The following WDR72 variants were observed in gnomAD, a reference collection of about 807,000 sequenced individuals.
The protein encoded by WDR72 is WD repeat-containing protein 72.
A neutral mutation model predicts 124.2 loss-of-function variants in WDR72; 120 were observed. That is an observed-to-expected ratio of 0.97 (90% CI 0.83 to 1.12). WDR72 has a LOEUF of 1.12. Ranked by LOEUF, WDR72 falls within the 50% of genes most tolerant of loss-of-function variation. The pLI is 0.00. For missense variants in WDR72, 1,387 were observed against 1,278.8 expected, an observed-to-expected ratio of 1.08 and a Z score of -1.29; for synonymous variants, 452 against 441.7, an observed-to-expected ratio of 1.02 and a Z score of -0.29.
At chr15:53,742,253 T>A (rs2018529819) in intron 1 of WDR72, among the ~76,000 whole-genome samples, 1 of 152,158 alleles carries the variant, frequency 6.6e-6, no homozygotes, top group Non-Finnish European at 1.5e-5. Flanking sequence ...ATATCCCTAA[T>A]AATTCCCTAG....
At chr15:53,625,173 A>G (rs187698697) in intron 14 of WDR72, among the ~76,000 whole-genome samples, 27 of 152,348 alleles carry the variant, frequency 1.8e-4, no homozygotes, top group East Asian at 1.3e-3. Context: ...GCAATTTTTA[A>G]AAGTCTAGAA....
intron 2 of WDR72, among the ~76,000 whole-genome samples, chr15:53,723,635 C>T (rs763590786): frequency 7.2e-5 from 11 of 152,136 alleles, no homozygotes; most frequent in Non-Finnish European, 1.2e-4. Context: ...GACACAGCTG[C>T]CCCACACCCC....
intron 18 of WDR72, among the ~76,000 whole-genome samples, chr15:53,588,918 G>T (rs987363221): frequency 1.3e-5 from 2 of 151,834 alleles, no homozygotes; most frequent in African/African-American, 4.8e-5. Context: ...CAGCATGGGG[G>T]CTACTGTAAG....
intron 18 of WDR72, among the ~76,000 whole-genome samples, chr15:53,595,480 G>A (rs961670281): frequency 6.6e-6 from 1 of 152,112 alleles, no homozygotes; most frequent in African/African-American, 2.4e-5. Flanking sequence ...CCAAATGACA[G>A]AAAAATTCAT....
intron 18 of WDR72, among the ~76,000 whole-genome samples, chr15:53,571,574 T>C (rs1034858287): frequency 2.0e-5 from 3 of 152,112 alleles, no homozygotes; most frequent in Admixed American, 1.3e-4. Flanking sequence ...GGCCGAACAG[T>C]ATTTGATTAT....
intron 4 of WDR72, 63 bp from the exon 5 acceptor site, chr15:53,715,430 A>G (rs2017676004): frequency 5.0e-6 from 8 of 1,592,174 alleles, no homozygotes; most frequent in Non-Finnish European, 6.9e-6. Context: ...ATTTGGCTAC[A>G]TTGAAGATTT....
chr15:53,655,367 T>C (rs2015386228), intron 14 of WDR72, among the ~76,000 whole-genome samples: 1 of 151,102 alleles, frequency 6.6e-6, no homozygotes, highest in African/African-American at 2.4e-5. Context: ...CTGACAATCA[T>C]ATAATAAAAA....
rs184538728 is a variant in WDR72, at chr15:53,563,243, T to C, written c.3148+33836A>G. Among the ~76,000 whole-genome samples, 32 of 151,858 alleles carry C rather than the reference T, an allele frequency of 2.1e-4. No individual in the cohort carries two copies. The East Asian group carries it at 5.6e-3, about 27-fold the overall frequency. ...CAGCAAAGACACATCCTTAGAACTT[T>C]ATGATTTAAAGTTAACAAGCAGACT... On this transcript the variant is annotated intron_variant, in intron 18 of 19. Transcript: ENST00000360509.
chr15:53,651,310 C>G (rs1245378926), intron 14 of WDR72, among the ~76,000 whole-genome samples: 1 of 152,202 alleles, frequency 6.6e-6, no homozygotes, highest in Non-Finnish European at 1.5e-5. Context: ...TCGTAAACCC[C>G]TAAGACTGTC....
At position 53,711,581 on chromosome 15, in the gene WDR72, C is replaced by A. The variant is rs1007152673; in HGVS notation, c.712-100G>T. The A allele has an allele frequency of 4.8e-6, 6 of 1,249,074 alleles. No homozygotes were observed. In the African/African-American group the frequency reaches 6.0e-5, roughly 12 times the overall value. The allele number at this position is 1,249,074 out of a possible 1,614,324, so 77.4% of individuals were successfully genotyped here. A position where few individuals can be genotyped will look rare whatever the true frequency, so the allele number is the denominator to read the frequency against. ...AGTAATAATATAACAACATAGTAAG[C>A]GTTAATAACAGACCATACTGTACTC... On this transcript the variant is annotated intron_variant, in intron 7 of 19. Coordinates refer to ENST00000360509, the MANE Select transcript of WDR72 (RefSeq NM_182758.4).
In WDR72 at chr15:53,618,259, TTAA is replaced by T. The variant is rs2013848621; in HGVS notation, c.1963-2019_1963-2017del. ...AAATATGTATTCCTATTTGACCTACTTAATTTTGCATGTTTTTGCATGTTTGCC... is the reference window on the plus strand; with the variant it reads ...AAATATGTATTCCTATTTGACCTACTTTTTGCATGTTTTTGCATGTTTGCC... On this transcript the variant is annotated intron_variant, in intron 14 of 19. Coordinates refer to ENST00000360509, the MANE Select transcript of WDR72 (RefSeq NM_182758.4). 5.9e-5 allele frequency among the ~76,000 whole-genome samples: 9 copies of T among 152,112 alleles called. No individual in the cohort carries two copies. The South Asian group carries it at 1.7e-3, about 28-fold the overall frequency.
At chr15:53,527,154 C>T (rs1378366221) in intron 18 of WDR72, among the ~76,000 whole-genome samples, 1 of 151,992 alleles carries the variant, frequency 6.6e-6, no homozygotes, top group African/African-American at 2.4e-5. Flanking sequence ...TTCAAGAACA[C>T]TGTAAGAGGA....
intron 16 of WDR72, among the ~76,000 whole-genome samples, chr15:53,613,054 C>T (rs1291706855): frequency 1.3e-5 from 2 of 151,956 alleles, no homozygotes; most frequent in Non-Finnish European, 2.9e-5. Context: ...AAAAGAATCG[C>T]AAGGTTCTTC....
At chr15:53,536,135 C>T (rs757086745) in intron 18 of WDR72, among the ~76,000 whole-genome samples, 31 of 152,142 alleles carry the variant, frequency 2.0e-4, no homozygotes, top group African/African-American at 4.3e-4. Context: ...GAGCATTAAG[C>T]GTGTCTGCTT....
chr15:53,711,626 T>C, intron 7 of WDR72, 145 bp from the exon 8 acceptor site: 1 of 912,844 alleles, frequency 1.1e-6, no homozygotes, highest in Non-Finnish European at 1.7e-6. Context: ...GATGATATTT[T>C]ACCATGACTT....
intron 14 of WDR72, among the ~76,000 whole-genome samples, chr15:53,634,171 C>G (rs4776164): frequency 0.24 from 37,066 of 152,012 alleles, 4,928 homozygotes; most frequent in East Asian, 0.46. Flanking sequence ...TTAAAATAAC[C>G]TGGACATAAA....
chr15:53,568,216 G>A (rs1894372497), intron 18 of WDR72, among the ~76,000 whole-genome samples: 1 of 151,480 alleles, frequency 6.6e-6, no homozygotes, highest in African/African-American at 2.4e-5. Flanking sequence ...GGGATCGTAT[G>A]TGGGGATCAC....
chr15:53,752,232 C>G (rs34381103), intron 1 of WDR72, among the ~76,000 whole-genome samples: 21,011 of 152,180 alleles, frequency 0.14, 1,906 homozygotes, highest in Middle Eastern at 0.2. Flanking sequence ...ACATTCTCAT[C>G]TAATATGAGT....
chr15:53,723,640 C>T (rs1384565019), intron 2 of WDR72, among the ~76,000 whole-genome samples: 1 of 152,198 alleles, frequency 6.6e-6, no homozygotes, highest in Admixed American at 6.5e-5. Context: ...AGCTGCCCCA[C>T]ACCCCATGCC....
Sources: allele counts gnomAD v4.1 joint callset (sites outside exome capture counted in the v4.1 genomes callset), GRCh38; gene constraint gnomAD v4.1.1; transcripts MANE v1.5; gene names NCBI Gene and HGNC (gene_info 2026-07-23, HGNC 2026-07-21).